SPTA1: variants seen among roughly 807,000 people sequenced by gnomAD.
SPTA1 encodes spectrin alpha chain, erythrocytic 1.
A neutral mutation model predicts 324.7 loss-of-function variants in SPTA1; 177 were observed. The observed-to-expected ratio is 0.55, with a 90% CI of 0.48 to 0.62. The LOEUF is 0.62. Ranked by LOEUF, SPTA1 falls within the 20% of genes least tolerant of loss-of-function variation. The pLI is 0.00. For synonymous variants in SPTA1, 1,195 were observed against 1,041.3 expected, an observed-to-expected ratio of 1.15 and a Z score of -2.84; for missense variants, 3,162 against 2,883.6, an observed-to-expected ratio of 1.10 and a Z score of -2.21.
chr1:158,677,885 G>A (rs1488184142), intron 6 of SPTA1, 51 bp from the exon 7 acceptor site: 1 of 1,610,992 alleles, frequency 6.2e-7, no homozygotes, highest in East Asian at 2.2e-5. Flanking sequence ...AGCATTACAG[G>A]GCAAACGGTC....
intron 43 of SPTA1, among the ~76,000 whole-genome samples, chr1:158,622,328 T>C (rs1023077139): frequency 6.6e-6 from 1 of 152,070 alleles, no homozygotes; most frequent in African/African-American, 2.4e-5. Context: ...ATTTATTATG[T>C]ATTATTAATG....
chr1:158,648,740 AC>A, intron 25 of SPTA1, 87 bp from the exon 26 acceptor site: 1 of 1,440,146 alleles, frequency 6.9e-7, no homozygotes. Flanking sequence ...TATCATCACT[AC>A]CACTCACCAT....
chr1:158,611,495 G>C (rs1649259113), intron 51 of SPTA1, 106 bp from the exon 52 acceptor site: 1 of 1,321,570 alleles, frequency 7.6e-7, no homozygotes, highest in Non-Finnish European at 1.1e-6. Context: ...AGAGTCTCTG[G>C]AAGACGCAAG....
chr1:158,659,586 CTT>C (rs1653052474), intron 18 of SPTA1, among the ~76,000 whole-genome samples: 1 of 121,080 alleles, frequency 8.3e-6, no homozygotes, highest in Non-Finnish European at 1.8e-5. Context: ...AAATAATAGT[CTT>C]AGCATTATTT....
At chr1:158,682,816 A>T (rs1451598355) in intron 3 of SPTA1, among the ~76,000 whole-genome samples, 1 of 152,170 alleles carries the variant, frequency 6.6e-6, no homozygotes, top group Non-Finnish European at 1.5e-5. Context: ...AATAGTGATG[A>T]TCTTCATTTC....
intron 47 of SPTA1, 84 bp downstream of exon 47, chr1:158,617,453 T>G (rs992827953): frequency 2.0e-4 from 227 of 1,122,750 alleles, no homozygotes; most frequent in Non-Finnish European, 2.7e-4. Context: ...CCTAAAAGTA[T>G]CACCTGGGCT....
chr1:158,645,351 G>T lies in SPTA1; in HGVS notation c.4031C>A (p.Thr1344Asn). 1.9e-6 allele frequency: 3 copies of T among 1,613,970 alleles called. No individual in the cohort carries two copies. The South Asian group carries it at 3.3e-5, about 18-fold the overall frequency. The part of the protein sequence containing the change: ...HRADMEAEAP[T>N]FQALEDFSAE... Reference sequence around the variant, plus strand: ...ACTGAAGTCCTCTAAGGCCTGGAAGGTGGGAGCCTCTGCCTCCATGTCAGC... The same window carrying T: ...ACTGAAGTCCTCTAAGGCCTGGAAGTTGGGAGCCTCTGCCTCCATGTCAGC... The change falls in exon 29 of 52, where the codon ACC becomes AAC. Residue 1344 changes from threonine (T) to asparagine (N), a missense_variant. Coordinates refer to ENST00000643759, the MANE Select transcript of SPTA1 (RefSeq NM_003126.4).
intron 35 of SPTA1, among the ~76,000 whole-genome samples, chr1:158,638,644 T>C (rs754414558): frequency 2.0e-5 from 3 of 150,800 alleles, no homozygotes; most frequent in Non-Finnish European, 4.4e-5. Context: ...GGTGAAACCC[T>C]GTCTGTACTA....
At chr1:158,659,772 G>A (rs1653086100) in intron 18 of SPTA1, among the ~76,000 whole-genome samples, 2 of 96,678 alleles carry the variant, frequency 2.1e-5, no homozygotes, top group Admixed American at 2.0e-4. Flanking sequence ...CACCGCGCCC[G>A]GCTAATTTTT....
intron 49 of SPTA1, 46 bp from the exon 50 acceptor site, chr1:158,613,913 A>T: frequency 6.3e-7 from 1 of 1,590,992 alleles, no homozygotes; most frequent in East Asian, 2.3e-5. Flanking sequence ...CTCAATAGAA[A>T]AACCAAGTGA....
At chr1:158,647,310 C>G (rs1158331886) in intron 27 of SPTA1, among the ~76,000 whole-genome samples, 1 of 152,152 alleles carries the variant, frequency 6.6e-6, no homozygotes, top group Non-Finnish European at 1.5e-5. Context: ...AACAAAAAAG[C>G]TTCTACATTA....
intron 39 of SPTA1, among the ~76,000 whole-genome samples, chr1:158,633,637 G>A (rs1650840858): frequency 6.7e-6 from 1 of 148,426 alleles, no homozygotes; most frequent in Admixed American, 6.7e-5. Flanking sequence ...CTCCAGGCTG[G>A]GAGACAGAGT....
In SPTA1 at chr1:158,662,899, A is replaced by C; in HGVS notation, c.2267T>G (p.Ile756Arg). The change falls in exon 17 of 52, where the codon ATA (isoleucine) becomes AGA (arginine). Residue 756 changes from isoleucine to arginine, a missense_variant. Transcript: ENST00000643759. ...LTDLAAYFEEIGHPDSKDIRA... is the reference protein window; with the variant it reads ...LTDLAAYFEERGHPDSKDIRA... ...TATATCCTTAGAATCAGGATGGCCT[A>C]TTTCTTCAAAATATGCAGCCAGGTC... The C allele has an allele frequency of 6.2e-7, 1 of 1,614,090 alleles. No homozygotes were observed. Among genetic ancestry groups the C allele is most frequent in the Non-Finnish European group, 8.5e-7 (1 of 1,179,970 alleles).
Position 158,611,200 on chromosome 1 carries a change from T to C in SPTA1, c.*64A>G, listed in dbSNP as rs1319953507. On this transcript the variant is annotated 3_prime_UTR_variant, in exon 52 of 52. Coordinates refer to ENST00000643759, the MANE Select transcript of SPTA1 (RefSeq NM_003126.4). ...CTTTATCTTCCACATTTGCCTGTAC[T>C]CTTTGCCCCCCAGTAAATTTCCCAC... The C allele has an allele frequency of 6.3e-7, 1 of 1,599,160 alleles. No homozygotes were observed. The highest frequency in any genetic ancestry group is 8.6e-7 in the Non-Finnish European group (1 of 1,168,962).
intron 33 of SPTA1, among the ~76,000 whole-genome samples, chr1:158,641,179 A>C (rs1320063452): frequency 2.6e-5 from 4 of 152,298 alleles, no homozygotes; most frequent in East Asian, 1.9e-4. Context: ...TAAAGACTTA[A>C]ATGTTAGACC....
intron 31 of SPTA1, 25 bp downstream of exon 31, chr1:158,643,297 C>T: frequency 1.9e-6 from 3 of 1,612,544 alleles, no homozygotes; most frequent in Non-Finnish European, 2.5e-6. Context: ...TCCTTTGGCA[C>T]ATAAAACAAT....
In SPTA1 at chr1:158,617,536, CT is replaced by C; in HGVS notation, c.6600del (p.Arg2201GlufsTer9). Reference protein sequence around the residue: ...GTLESQLEANKRKQKEIQAMK... With the variant: ...GTLESQLEANXRKQKEIQAMK... ...TCAGTTAATGAAAAAACAATACTTA[CT>C]TTATTTGCTTCCAGCTGAGATTCCA... On this transcript the variant is annotated frameshift_variant and splice_region_variant, in exon 47 of 52. Coordinates refer to ENST00000643759, the MANE Select transcript of SPTA1 (RefSeq NM_003126.4). LOFTEE classifies it high-confidence loss of function. 1 of 1,612,932 alleles carries C rather than the reference CT, an allele frequency of 6.2e-7. No individual in the cohort carries two copies.
chr1:158,614,401 C>G, intron 48 of SPTA1, 95 bp from the exon 49 acceptor site: 1 of 916,552 alleles, frequency 1.1e-6, no homozygotes, highest in Non-Finnish European at 1.7e-6. Context: ...TTTTAATGGA[C>G]AATTTGCTAT....
intron 42 of SPTA1, among the ~76,000 whole-genome samples, 194 bp from the exon 43 acceptor site, chr1:158,623,386 T>C (rs1183961997): frequency 6.6e-6 from 1 of 152,250 alleles, no homozygotes; most frequent in East Asian, 1.9e-4. Flanking sequence ...ATTTTACAAT[T>C]AGATTTTATG....
Sources: allele counts gnomAD v4.1 joint callset (sites outside exome capture counted in the v4.1 genomes callset), GRCh38; gene constraint gnomAD v4.1.1; transcripts MANE v1.5; gene names NCBI Gene and HGNC (gene_info 2026-07-23, HGNC 2026-07-21).